IRAK2: variants seen among roughly 807,000 people sequenced by gnomAD.
IRAK2 encodes the protein interleukin-1 receptor-associated kinase-like 2.
IRAK2 carries 57 observed loss-of-function variants against 72.0 expected under a neutral mutation model. The observed-to-expected ratio is 0.79, with a 90% CI of 0.64 to 0.99. The LOEUF is 0.99. Ranked by LOEUF, IRAK2 falls within the 50% of genes least tolerant of loss-of-function variation. IRAK2 has a pLI of 0.00. For synonymous variants in IRAK2, 293 were observed against 312.7 expected (o/e 0.94, Z 0.67); for missense variants, 790 against 794.4 (o/e 0.99, Z 0.07).
intron 2 of IRAK2, among the ~76,000 whole-genome samples, chr3:10,199,884 C>CTTTT (rs145377518): frequency 1.5e-4 from 18 of 124,108 alleles, no homozygotes; most frequent in African/African-American, 5.8e-4. Flanking sequence ...AGCCACTGCT[C>CTTTT]TTTTTTTTTT....
At chr3:10,184,799 G>A (rs569950715) in intron 2 of IRAK2, among the ~76,000 whole-genome samples, 1 of 143,004 alleles carries the variant, frequency 7.0e-6, no homozygotes, top group African/African-American at 2.6e-5. Flanking sequence ...GCGCGATCTC[G>A]GCTCACTGCA....
intron 2 of IRAK2, among the ~76,000 whole-genome samples, chr3:10,188,597 G>T (rs1019964337): frequency 6.6e-6 from 1 of 152,128 alleles, no homozygotes; most frequent in African/African-American, 2.4e-5. Context: ...CGCAATCTCG[G>T]CTCACCACAA....
At chr3:10,214,518 A>G (rs1396893094) in intron 6 of IRAK2, among the ~76,000 whole-genome samples, 1 of 144,958 alleles carries the variant, frequency 6.9e-6, no homozygotes, top group East Asian at 2.0e-4. Context: ...GGTGTGAGCC[A>G]CTGTGCCCTG....
chr3:10,235,204 C>T (rs941688631), intron 11 of IRAK2, among the ~76,000 whole-genome samples: 6 of 152,106 alleles, frequency 3.9e-5, no homozygotes, highest in Non-Finnish European at 7.4e-5. Context: ...ACTAGGCGGA[C>T]GTCCTAGAAA....
intron 7 of IRAK2, 57 bp downstream of exon 7, chr3:10,217,105 CAAGGGTT>C (rs548443410): frequency 8.4e-6 from 11 of 1,302,600 alleles, no homozygotes; most frequent in Non-Finnish European, 1.2e-5. Context: ...GCCATGGGGT[CAAGGGTT>C]AAGGACTTAC....
intron 1 of IRAK2, among the ~76,000 whole-genome samples, chr3:10,171,716 C>T (rs558976627): frequency 1.1e-4 from 17 of 150,840 alleles, no homozygotes; most frequent in East Asian, 6.2e-4. Context: ...GTGATCCGCC[C>T]GCCTCAGCCT....
chr3:10,211,421 G>A (rs2125155231), intron 4 of IRAK2, among the ~76,000 whole-genome samples: 1 of 456 alleles, frequency 2.2e-3, no homozygotes, highest in East Asian at 0.05. Context: ...GAGATTACAA[G>A]CAGTGAATCA....
intron 3 of IRAK2, among the ~76,000 whole-genome samples, chr3:10,205,819 G>C (rs1419812067): frequency 6.6e-6 from 1 of 152,264 alleles, no homozygotes; most frequent in African/African-American, 2.4e-5. Context: ...GTGACTCATA[G>C]TGAGGTGGCA....
chr3:10,237,645 A>C (rs931182363), intron 11 of IRAK2, among the ~76,000 whole-genome samples: 4 of 152,020 alleles, frequency 2.6e-5, no homozygotes, highest in Non-Finnish European at 5.9e-5. Context: ...GTCTCTACTA[A>C]AAATACAAAA....
chr3:10,216,427 A>G (rs1264573266), intron 6 of IRAK2, among the ~76,000 whole-genome samples: 1 of 152,164 alleles, frequency 6.6e-6, no homozygotes. Flanking sequence ...GAGGAGCAAC[A>G]TACAAAACAA....
chr3:10,171,175 C>G (rs1285706313), intron 1 of IRAK2, among the ~76,000 whole-genome samples: 3 of 152,190 alleles, frequency 2.0e-5, no homozygotes, highest in African/African-American at 7.2e-5. Context: ...GCTTCAGCCC[C>G]AGGTGTGTGC....
intron 3 of IRAK2, among the ~76,000 whole-genome samples, chr3:10,204,270 T>C (rs1697405755): frequency 6.6e-6 from 1 of 152,190 alleles, no homozygotes; most frequent in African/African-American, 2.4e-5. Flanking sequence ...AGGTCAGATC[T>C]TGAGTAGTGC....
chr3:10,213,680 C>A, intron 6 of IRAK2, 132 bp downstream of exon 6: 1 of 679,566 alleles, frequency 1.5e-6, no homozygotes, highest in Non-Finnish European at 2.6e-6. Flanking sequence ...ATAAATGTAG[C>A]TACTATTATC....
At chr3:10,204,440 G>A (rs1317482191) in intron 3 of IRAK2, among the ~76,000 whole-genome samples, 1 of 152,126 alleles carries the variant, frequency 6.6e-6, no homozygotes, top group Non-Finnish European at 1.5e-5. Context: ...GACACAGCTC[G>A]GCAGGACCAG....
chr3:10,227,737 C>T (rs58804502), intron 10 of IRAK2, among the ~76,000 whole-genome samples: 1,694 of 150,426 alleles, frequency 0.011, 32 homozygotes, highest in African/African-American at 0.039. Flanking sequence ...GGTGCAATCT[C>T]GGCTCACTAC....
chr3:10,191,063 G>A (rs1179966415), intron 2 of IRAK2, among the ~76,000 whole-genome samples: 6 of 152,112 alleles, frequency 3.9e-5, no homozygotes, highest in Non-Finnish European at 2.9e-5. Flanking sequence ...GGGAGGCCGA[G>A]GCCGGCGGAT....
intron 12 of IRAK2, 57 bp from the exon 13 acceptor site, chr3:10,242,059 T>C: frequency 2.1e-6 from 2 of 975,164 alleles, no homozygotes; most frequent in Non-Finnish European, 3.2e-6. Flanking sequence ...CTTTAAGAAT[T>C]ATAATAATAG....
At chr3:10,195,391 T>C (rs1400339825) in intron 2 of IRAK2, among the ~76,000 whole-genome samples, 1 of 152,116 alleles carries the variant, frequency 6.6e-6, no homozygotes, top group Non-Finnish European at 1.5e-5. Flanking sequence ...ATGCTGTCTC[T>C]ACACAAAATT....
chr3:10,234,639 C>T lies in IRAK2; in HGVS notation c.1453C>T (p.Arg485Cys). ...ATAACLCLRR[R>C]NTSLQEVCGS... ...GGCTGCCTGCCTGTGCCTGCGGAGG[C>T]GTAACACCAGCCTGCAGGAGGTGAG... Residue 485 changes from arginine to cysteine, a missense_variant, in exon 11 of 13, where the codon CGT becomes TGT. Arg to Cys is a radical substitution (Grantham distance 180, BLOSUM62 -3). Transcript: ENST00000256458. 8.7e-6 allele frequency: 14 copies of T among 1,612,950 alleles called. No individual in the cohort carries two copies. The highest frequency in any genetic ancestry group is 1.2e-5 in the Non-Finnish European group (14 of 1,179,742).
Sources: gnomAD v4.1 joint callset for allele counts (sites outside exome capture counted in the v4.1 genomes callset) on GRCh38, gnomAD v4.1.1 for gene constraint, MANE v1.5 for transcripts, NCBI Gene and HGNC (gene_info 2026-07-23, HGNC 2026-07-21) for gene names.